The following MYO5B variants were observed in gnomAD, a reference collection of about 807,000 sequenced individuals.
The protein encoded by MYO5B is unconventional myosin-Vb.
In MYO5B, 143 loss-of-function variants were observed where a neutral mutation model predicts 229.3. The observed-to-expected ratio is 0.62, with a 90% confidence interval of 0.54 to 0.72. The LOEUF (loss-of-function observed/expected upper bound fraction) is 0.72. Among genes scored for constraint, MYO5B ranks in the 30% least tolerant of loss-of-function variants. The pLI is 0.00. For synonymous variants in MYO5B, 918 were observed against 885.2 expected, an observed-to-expected ratio of 1.04 and a Z score of -0.66; for missense variants, 2,321 against 2,331.0, an observed-to-expected ratio of 1.00 and a Z score of 0.09.
intron 14 of MYO5B, among the ~76,000 whole-genome samples, chr18:49,941,450 G>A (rs955635154): frequency 6.6e-6 from 1 of 152,156 alleles, no homozygotes; most frequent in African/African-American, 2.4e-5. Flanking sequence ...TGAGGGCATG[G>A]AAGGGATAAT....
chr18:50,131,061 G>A (rs769594986), intron 1 of MYO5B, among the ~76,000 whole-genome samples: 1 of 152,140 alleles, frequency 6.6e-6, no homozygotes, highest in Non-Finnish European at 1.5e-5. Flanking sequence ...TGATGAACAG[G>A]AATCAAGTTC....
intron 4 of MYO5B, among the ~76,000 whole-genome samples, chr18:50,022,936 G>A (rs12454026): frequency 0.98 from 148,865 of 152,232 alleles, 72,883 homozygotes; most frequent in East Asian, 1. Flanking sequence ...CAGCTTTGGT[G>A]TGCTGCTGTT....
rs571212476 is a variant in MYO5B, at chr18:49,990,374, C to A, written c.838+65G>T. On this transcript the variant is annotated intron_variant, in intron 7 of 39. Transcript: ENST00000285039. ...ATGACGGAGGGCTTTGAGCAGAGCC[C>A]CCAGCTGTGCACCCGCTGGAGCAGT... The A allele has an allele frequency of 3.6e-6, 5 of 1,373,050 alleles. No homozygotes were observed. In the South Asian group the frequency reaches 5.8e-5, roughly 16 times the overall value. The allele number at this position is 1,373,050 out of a possible 1,614,324, so 85.1% of individuals were successfully genotyped here.
chr18:49,898,443 A>G (rs947956597), intron 21 of MYO5B, among the ~76,000 whole-genome samples: 1 of 152,102 alleles, frequency 6.6e-6, no homozygotes, highest in African/African-American at 2.4e-5. Flanking sequence ...AAACTGGCCA[A>G]CTCTAAATGT....
chr18:49,863,447 A>T, intron 28 of MYO5B, 120 bp from the exon 29 acceptor site: 1 of 839,724 alleles, frequency 1.2e-6, no homozygotes, highest in Non-Finnish European at 2.0e-6. Context: ...AAGAACAGAG[A>T]TAACCACAAT....
At chr18:50,158,770 G>A (rs73430385) in intron 1 of MYO5B, among the ~76,000 whole-genome samples, 4,098 of 152,206 alleles carry the variant, frequency 0.027, 171 homozygotes, top group African/African-American at 0.093. Context: ...CCCCATTATG[G>A]TCTCCCTAAG....
At chr18:49,845,423 A>G (rs1212023252) in intron 33 of MYO5B, among the ~76,000 whole-genome samples, 1 of 152,260 alleles carries the variant, frequency 6.6e-6, no homozygotes, top group African/African-American at 2.4e-5. Flanking sequence ...CACAGTGCTC[A>G]GCAGAGTCGG....
rs1465430074 is a variant in MYO5B, at chr18:50,168,606, C to T, written c.27+26161G>A. 3.2e-5 allele frequency among the ~76,000 whole-genome samples: 2 copies of T among 62,584 alleles called. 1 individual carries two copies. The highest frequency in any genetic ancestry group is 1.1e-3 in the South Asian group (2 of 1,800). The allele number at this position is 62,584 out of a possible 152,430, so 41.1% of individuals were successfully genotyped here. On this transcript the variant is annotated intron_variant, in intron 1 of 39. Coordinates refer to ENST00000285039, the MANE Select transcript of MYO5B (RefSeq NM_001080467.3). Reference sequence around the variant, plus strand: ...TGCTCCAGACAGAGGGGAGGGTCTCCAGGACCCTCCCCACTAGACCCCCAC... The same window carrying T: ...TGCTCCAGACAGAGGGGAGGGTCTCTAGGACCCTCCCCACTAGACCCCCAC...
rs191604040 is a variant in MYO5B, at chr18:49,988,579, G to T, written c.838+1860C>A. Among the ~76,000 whole-genome samples, 29 of 152,198 alleles carry T rather than the reference G, an allele frequency of 1.9e-4. 1 individual carries two copies. The highest frequency in any genetic ancestry group is 1.8e-3 in the Admixed American group (28 of 15,288). On this transcript the variant is annotated intron_variant, in intron 7 of 39. Coordinates refer to ENST00000285039, the MANE Select transcript of MYO5B (RefSeq NM_001080467.3). ...CCCCATTACCTTAGAATTACAACTGGGACAACTGATCCAAATCATCCAGAT... is the reference window on the plus strand; with the variant it reads ...CCCCATTACCTTAGAATTACAACTGTGACAACTGATCCAAATCATCCAGAT...
chr18:50,040,722 T>A (rs771633650), intron 2 of MYO5B, among the ~76,000 whole-genome samples: 26 of 152,184 alleles, frequency 1.7e-4, no homozygotes, highest in Admixed American at 1.6e-3. Flanking sequence ...ATCTGGATCA[T>A]CTTGTATCTG....
chr18:50,005,897 C>T (rs2026096059), intron 4 of MYO5B, among the ~76,000 whole-genome samples: 1 of 152,186 alleles, frequency 6.6e-6, no homozygotes. Context: ...CCTGACTCTC[C>T]ACCCAGGCAT....
chr18:49,925,154 T>A (rs2025115305), intron 17 of MYO5B, among the ~76,000 whole-genome samples: 2 of 152,226 alleles, frequency 1.3e-5, no homozygotes, highest in Non-Finnish European at 2.9e-5. Flanking sequence ...TAAGAAACAT[T>A]TATAATCTAT....
intron 21 of MYO5B, among the ~76,000 whole-genome samples, chr18:49,900,360 G>A (rs1471987183): frequency 6.6e-6 from 1 of 152,170 alleles, no homozygotes; most frequent in Non-Finnish European, 1.5e-5. Flanking sequence ...GGCTGACCAG[G>A]GGCAGGCACA....
At chr18:49,919,915 T>C (rs559145168) in intron 17 of MYO5B, among the ~76,000 whole-genome samples, 31 of 152,272 alleles carry the variant, frequency 2.0e-4, no homozygotes, top group African/African-American at 7.0e-4. Flanking sequence ...CAACCAAACA[T>C]CCATCCACTG....
chr18:49,939,174 T>A (rs1399142535), intron 14 of MYO5B, among the ~76,000 whole-genome samples: 1 of 135,340 alleles, frequency 7.4e-6, no homozygotes, highest in Non-Finnish European at 1.6e-5. Context: ...TTTGAAACAG[T>A]CTCGCTCTGT....
At chr18:49,834,579 CAG>C (rs1444396773) in intron 39 of MYO5B, among the ~76,000 whole-genome samples, 1 of 152,170 alleles carries the variant, frequency 6.6e-6, no homozygotes, top group Non-Finnish European at 1.5e-5. Flanking sequence ...TAGGAAAAGA[CAG>C]ATTTAAATAA....
chr18:50,012,927 A>G (rs1377761253), intron 4 of MYO5B, among the ~76,000 whole-genome samples: 1 of 152,254 alleles, frequency 6.6e-6, no homozygotes, highest in East Asian at 1.9e-4. Context: ...GACTGAAGGC[A>G]TTCTAGCAAA....
intron 1 of MYO5B, among the ~76,000 whole-genome samples, chr18:50,072,902 A>G (rs1383701122): frequency 1.3e-5 from 2 of 152,166 alleles, no homozygotes; most frequent in African/African-American, 4.8e-5. Flanking sequence ...CAGGGCTCAC[A>G]TTCCAGGCTG....
chr18:50,192,105 C>T (rs1015789688), intron 1 of MYO5B, among the ~76,000 whole-genome samples: 27 of 152,086 alleles, frequency 1.8e-4, no homozygotes, highest in African/African-American at 6.0e-4. Context: ...CTTGTTTGTG[C>T]CCTAATTGAA....
Sources: allele counts gnomAD v4.1 joint callset (sites outside exome capture counted in the v4.1 genomes callset), GRCh38; gene constraint gnomAD v4.1.1; transcripts MANE v1.5; gene names NCBI Gene and HGNC (gene_info 2026-07-23, HGNC 2026-07-21).